Variants in GALNT14 observed in about 807,000 individuals in gnomAD.
GALNT14 encodes polypeptide N-acetylgalactosaminyltransferase 14, also known as UDP-GalNAc:polypeptide N-acetylgalactosaminyltransferase 14.
GALNT14 carries 60 observed loss-of-function variants against 77.5 expected under a neutral mutation model. The observed-to-expected ratio is 0.77, with a 90% CI of 0.63 to 0.96. The LOEUF (loss-of-function observed/expected upper bound fraction) is 0.96, where lower values mean the gene tolerates loss of function less well. GALNT14 is among the 40% of genes least tolerant of loss of function. GALNT14 has a pLI of 0.00. For missense variants in GALNT14, 710 were observed against 731.0 expected (o/e 0.97, Z 0.33); for synonymous variants, 280 against 281.7 (o/e 0.99, Z 0.06).
chr2:31,110,214 T>G (rs1214173951), intron 1 of GALNT14, among the ~76,000 whole-genome samples: 1 of 152,172 alleles, frequency 6.6e-6, no homozygotes, highest in African/African-American at 2.4e-5. Flanking sequence ...TCTTACCTCC[T>G]AAATCCGTGT....
intron 1 of GALNT14, among the ~76,000 whole-genome samples, chr2:31,122,864 T>C (rs998339137): frequency 6.6e-6 from 1 of 152,118 alleles, no homozygotes; most frequent in Non-Finnish European, 1.5e-5. Flanking sequence ...CCATAGACAA[T>C]TCGTAAAGGA....
chr2:30,945,178 T>C (rs1217340329), intron 7 of GALNT14, among the ~76,000 whole-genome samples: 1 of 152,162 alleles, frequency 6.6e-6, no homozygotes, highest in African/African-American at 2.4e-5. Context: ...CTCTGCTGTG[T>C]AGGGTTAGAA....
intron 1 of GALNT14, among the ~76,000 whole-genome samples, chr2:31,035,553 A>G (rs1317046144): frequency 5.4e-5 from 7 of 129,438 alleles, no homozygotes; most frequent in East Asian, 2.6e-4. Context: ...GATAAAGAAA[A>G]TGTGTGTGTG....
chr2:31,070,592 A>C (rs1675303718), intron 1 of GALNT14, among the ~76,000 whole-genome samples: 1 of 152,252 alleles, frequency 6.6e-6, no homozygotes, highest in Non-Finnish European at 1.5e-5. Flanking sequence ...GAGGCAGCTG[A>C]CAGCCAGGAG....
chr2:30,956,126 T>C, intron 4 of GALNT14, 149 bp from the exon 5 acceptor site: 1 of 746,204 alleles, frequency 1.3e-6, no homozygotes. Context: ...CTCCAGGGTG[T>C]TTCCAGGCTA....
intron 1 of GALNT14, among the ~76,000 whole-genome samples, chr2:31,133,955 GA>G (rs1174238264): frequency 1.1e-4 from 16 of 152,178 alleles, no homozygotes; most frequent in Non-Finnish European, 2.1e-4. Flanking sequence ...TTGAAACTAA[GA>G]AAAAAGTCTA....
the GALNT14 span, among the ~76,000 whole-genome samples, chr2:30,890,476 T>C: frequency 1.2e-3 from 190 of 152,316 alleles, no homozygotes; most frequent in Middle Eastern, 6.8e-3. Context: ...TCTCAAATAA[T>C]ATATGTAAAT....
Position 30,940,701 on chromosome 2 carries a change from C to T in GALNT14, c.931+1500G>A, listed in dbSNP as rs185007077. On this transcript the variant is annotated intron_variant, in intron 9 of 14. Coordinates refer to ENST00000349752, the MANE Select transcript of GALNT14 (RefSeq NM_024572.4). Reference sequence around the variant, plus strand: ...GGGCTCCACCCCATAAGAGAGAAGTCCCTACCCCACTGAGAACACCAAAGG... The same window carrying T: ...GGGCTCCACCCCATAAGAGAGAAGTTCCTACCCCACTGAGAACACCAAAGG... Among the ~76,000 whole-genome samples, 203 of 152,284 alleles carry T rather than the reference C, an allele frequency of 1.3e-3. 2 individuals carry two copies. Among genetic ancestry groups the T allele is most frequent in the Admixed American group, 0.012 (184 of 15,302 alleles).
intron 1 of GALNT14, among the ~76,000 whole-genome samples, chr2:31,024,994 G>A (rs1055318178): frequency 6.6e-6 from 1 of 152,156 alleles, no homozygotes; most frequent in Non-Finnish European, 1.5e-5. Flanking sequence ...GTGTGCAGCA[G>A]GCCAATCGCT....
At chr2:30,938,384 A>ACACACACACACTCTCTCTCT (rs1174119035) in intron 9 of GALNT14, among the ~76,000 whole-genome samples, 57 of 141,784 alleles carry the variant, frequency 4.0e-4, no homozygotes, top group African/African-American at 1.3e-3. Flanking sequence ...ACACACACAC[A>ACACACACACACTCTCTCTCT]CTCTCTCTCT....
At chr2:30,952,661 G>A (rs1275858622) in intron 6 of GALNT14, among the ~76,000 whole-genome samples, 1 of 149,394 alleles carries the variant, frequency 6.7e-6, no homozygotes, top group South Asian at 2.2e-4. Context: ...CCTAATGCTA[G>A]ATGACGAGTT....
rs57594110 is a variant in GALNT14 at position 30,989,560 on chromosome 2, T to TTATATATA, written c.299+3270_299+3277dup. 2.1e-3 allele frequency among the ~76,000 whole-genome samples: 182 copies of TTATATATA among 87,088 alleles called. 2 individuals are homozygous for TTATATATA. The highest frequency in any genetic ancestry group is 0.016 in the East Asian group (43 of 2,724). The allele number at this position is 87,088 out of a possible 152,430, so 57.1% of individuals were successfully genotyped here. Reference sequence around the variant, plus strand: ...ATTTACTATTAGGTAGGTAAATACCTTATATATATATATATATATATAAAA... The same window carrying TTATATATA: ...ATTTACTATTAGGTAGGTAAATACCTTATATATATATATATATATATATATATATAAAA... On this transcript the variant is annotated intron_variant, in intron 2 of 14. Transcript: ENST00000349752.
At chr2:30,997,174 C>G (rs138731665) in intron 1 of GALNT14, among the ~76,000 whole-genome samples, 1 of 152,112 alleles carries the variant, frequency 6.6e-6, no homozygotes, top group African/African-American at 2.4e-5. Context: ...ACAGAAACAA[C>G]AAGAAGCATC....
At chr2:31,006,437 G>T (rs1670679220) in intron 1 of GALNT14, among the ~76,000 whole-genome samples, 1 of 152,088 alleles carries the variant, frequency 6.6e-6, no homozygotes, top group Non-Finnish European at 1.5e-5. Flanking sequence ...CCCAAGGCAG[G>T]TGCTTCTATT....
chr2:30,956,568 G>A (rs570948658), intron 4 of GALNT14, among the ~76,000 whole-genome samples: 79 of 152,212 alleles, frequency 5.2e-4, no homozygotes, highest in African/African-American at 1.8e-3. Flanking sequence ...GTTCAGTGGC[G>A]CAATCTCTGC....
intron 13 of GALNT14, among the ~76,000 whole-genome samples, chr2:30,922,471 C>T (rs1341353128): frequency 6.6e-6 from 1 of 152,234 alleles, no homozygotes; most frequent in African/African-American, 2.4e-5. Flanking sequence ...TCTGCTGCTC[C>T]TTCCCCTCAC....
intron 1 of GALNT14, among the ~76,000 whole-genome samples, chr2:31,096,056 CTCTTT>C (rs1315589681): frequency 6.6e-6 from 1 of 152,104 alleles, no homozygotes; most frequent in Non-Finnish European, 1.5e-5. Flanking sequence ...GGCTCATGGC[CTCTTT>C]TCTTCATCTC....
At chr2:30,897,371 G>A in the GALNT14 span, among the ~76,000 whole-genome samples, 1 of 152,190 alleles carries the variant, frequency 6.6e-6, no homozygotes. Flanking sequence ...CCCTGGGTAG[G>A]CAGTAGAAGC....
chr2:31,059,254 A>T lies in GALNT14; in HGVS notation c.130-66247T>A, dbSNP rs145048750. Among the ~76,000 whole-genome samples, 876 of 152,298 alleles carry T rather than the reference A, an allele frequency of 5.8e-3. 9 individuals are homozygous for T. Among genetic ancestry groups the T allele is most frequent in the African/African-American group, 0.021 (852 of 41,556 alleles). On this transcript the variant is annotated intron_variant, in intron 1 of 14. Coordinates refer to ENST00000349752, the MANE Select transcript of GALNT14 (RefSeq NM_024572.4). ...CTTGCCCATTTGTCATTAATGAAAA[A>T]ACAGTATTAGTTCTCCTTGAATTAA...
Sources: allele counts gnomAD v4.1 joint callset (sites outside exome capture counted in the v4.1 genomes callset), GRCh38; gene constraint gnomAD v4.1.1; transcripts MANE v1.5; gene names NCBI Gene and HGNC (gene_info 2026-07-23, HGNC 2026-07-21).